The following MYOM3 variants were observed in gnomAD, a reference collection of about 807,000 sequenced individuals.
MYOM3 encodes myomesin-3.
MYOM3 carries 155 observed loss-of-function variants against 191.7 expected under a neutral mutation model. The ratio of observed to expected loss-of-function variants is 0.81; its 90% CI spans 0.71 to 0.92. MYOM3 has a LOEUF of 0.92. MYOM3 is among the 40% of genes least tolerant of loss of function. The pLI is 0.00. For synonymous variants in MYOM3, 757 were observed against 762.9 expected, an observed-to-expected ratio of 0.99 and a Z score of 0.13; for missense variants, 1,889 against 1,890.6, an observed-to-expected ratio of 1.00 and a Z score of 0.02.
In MYOM3 at chr1:24,106,069, C is replaced by T; in HGVS notation, c.411G>A (p.Glu137=). Residue 137 remains glutamate (E), a synonymous_variant, in exon 5 of 37, where the codon GAG becomes GAA. Transcript: ENST00000374434. ...TCAGCTCCTTGGCCTCCTGGACCTT[C>T]TCCTCTGTCTGGAGGCGGGAAGAGG... ...DWKTLRRRTE[E]KVQEAKELRE... The T allele has an allele frequency of 1.2e-6, 2 of 1,611,222 alleles. No homozygotes were observed. Among genetic ancestry groups the T allele is most frequent in the Middle Eastern group, 1.7e-4 (1 of 6,048 alleles).
chr1:24,107,865 C>A, intron 3 of MYOM3, 128 bp downstream of exon 3: 1 of 782,524 alleles, frequency 1.3e-6, no homozygotes, highest in East Asian at 2.6e-5. Flanking sequence ...CTGTCTAGAC[C>A]CTTATTCTAG....
chr1:24,074,118 C>T (rs764486054), intron 23 of MYOM3, 42 bp downstream of exon 23: 1 of 1,500,922 alleles, frequency 6.7e-7, no homozygotes, highest in Non-Finnish European at 9.2e-7. Context: ...GTTTGGGACT[C>T]TCTCTCTGGG....
In MYOM3 at chr1:24,071,108, C is replaced by T. The variant is rs545205735; in HGVS notation, c.3150+9G>A. On this transcript the variant is annotated intron_variant, in intron 25 of 36. Transcript: ENST00000374434. ...AGCCTCACTTCAGGGATTGTGAGCACCCAATTACCGGCGAGCTGAAGATCT... is the reference window on the plus strand; with the variant it reads ...AGCCTCACTTCAGGGATTGTGAGCATCCAATTACCGGCGAGCTGAAGATCT... The T allele has an allele frequency of 3.1e-6, 5 of 1,613,290 alleles. No homozygotes were observed. The highest frequency in any genetic ancestry group is 2.2e-5 in the South Asian group (2 of 90,978).
At chr1:24,072,190 G>T (rs1643540491) in intron 23 of MYOM3, among the ~76,000 whole-genome samples, 177 bp from the exon 24 acceptor site, 1 of 152,218 alleles carries the variant, frequency 6.6e-6, no homozygotes, top group African/African-American at 2.4e-5. Context: ...GTGAGCCTTT[G>T]CCCTGGGGCA....
At position 24,067,061 on chromosome 1, in the gene MYOM3, C is replaced by T; in HGVS notation, c.3383G>A (p.Trp1128Ter). The change falls in exon 28 of 37, where the codon TGG (tryptophan) becomes TAG (stop). Residue 1128 changes from tryptophan (W) to a stop codon, truncating the protein, a stop_gained. Coordinates refer to ENST00000374434, the MANE Select transcript of MYOM3 (RefSeq NM_152372.4). LOFTEE classifies it high-confidence loss of function. ...CACTTGGCAGTCCTCCGTGACCTTCCACTGCAACGGCCGCTCAAAATAGGG... is the reference window on the plus strand; with the variant it reads ...CACTTGGCAGTCCTCCGTGACCTTCTACTGCAACGGCCGCTCAAAATAGGG... ...QGPYFERPLQ[W>*]KVTEDCQVQL... 6.3e-7 allele frequency: 1 copy of T among 1,579,400 alleles called. No homozygotes were observed. Among genetic ancestry groups the T allele is most frequent in the Non-Finnish European group, 8.6e-7 (1 of 1,160,510 alleles).
intron 27 of MYOM3, 79 bp from the exon 28 acceptor site, chr1:24,067,167 G>A (rs1484408765): frequency 4.3e-6 from 6 of 1,395,470 alleles, no homozygotes; most frequent in Non-Finnish European, 5.0e-6. Context: ...GGCAGTGCTG[G>A]GGGGAGGGAC....
In MYOM3 at chr1:24,093,043, C is replaced by T; in HGVS notation, c.994G>A (p.Val332Met). 2 of 1,613,332 alleles carry T rather than the reference C, an allele frequency of 1.2e-6. No homozygotes were observed. The highest frequency in any genetic ancestry group is 1.3e-5 in the African/African-American group (1 of 75,052). ...LYTDRQASLK[V>M]SCTYKEDEGL... The stretch of plus-strand genomic sequence containing the variant: ...TCGTCCTCCTTGTAGGTGCAGGACA[C>T]CTTCAGGGATGCCTGGCGGTCTGTG... The change falls in exon 10 of 37, where the codon GTG (valine) becomes ATG (methionine). Residue 332 changes from valine (V) to methionine (M), a missense_variant. Coordinates refer to ENST00000374434, the MANE Select transcript of MYOM3 (RefSeq NM_152372.4).
chr1:24,089,398 G>T, intron 14 of MYOM3, 140 bp downstream of exon 14: 1 of 1,159,008 alleles, frequency 8.6e-7, no homozygotes, highest in Non-Finnish European at 1.2e-6. Flanking sequence ...CCTTGCCTCT[G>T]TGTAGGGCCA....
chr1:24,105,805 G>A (rs754101070), intron 5 of MYOM3, 115 bp downstream of exon 5: 31 of 1,104,634 alleles, frequency 2.8e-5, no homozygotes, highest in Middle Eastern at 6.1e-4. Context: ...TCGGTGGGTG[G>A]ACAGAGCTCA....
intron 21 of MYOM3, 33 bp from the exon 22 acceptor site, chr1:24,075,508 G>A (rs1471889830): frequency 6.5e-7 from 1 of 1,528,786 alleles, no homozygotes; most frequent in Non-Finnish European, 8.8e-7. Flanking sequence ...GGCAGCGGAT[G>A]TTTATGCATA....
At chr1:24,088,340 C>T (rs1170418048) in intron 14 of MYOM3, among the ~76,000 whole-genome samples, 1 of 152,180 alleles carries the variant, frequency 6.6e-6, no homozygotes. Flanking sequence ...CTACTGTGTG[C>T]CAGGCTCCAT....
At chr1:24,086,998 C>T (rs1643758382) in intron 14 of MYOM3, among the ~76,000 whole-genome samples, 171 bp from the exon 15 acceptor site, 2 of 152,172 alleles carry the variant, frequency 1.3e-5, no homozygotes, top group Non-Finnish European at 2.9e-5. Flanking sequence ...CACCTCTCCA[C>T]CCGGATTCCT....
intron 5 of MYOM3, 29 bp from the exon 6 acceptor site, chr1:24,099,804 C>T: frequency 6.4e-7 from 1 of 1,570,324 alleles, no homozygotes; most frequent in Non-Finnish European, 8.8e-7. Context: ...CTGTGGCAGG[C>T]AGGGTGGTTC....
chr1:24,080,131 G>A lies in MYOM3; in HGVS notation c.2471C>T (p.Pro824Leu), dbSNP rs970715016. 1.9e-6 allele frequency: 3 copies of A among 1,613,612 alleles called. No individual in the cohort carries two copies. The highest frequency in any genetic ancestry group is 3.3e-5 in the Admixed American group (2 of 59,994). ...AGGCCCAGCCCCCATATACAGTGGG[G>A]GTTCCCACTGCAGCACCAGGGATGT... is the stretch of plus-strand genomic sequence containing the variant. ...RATSLVLQWE[P>L]PLYMGAGPVT... The change falls in exon 20 of 37, where the codon CCC becomes CTC. Residue 824 changes from proline to leucine, a missense_variant. Physicochemically the swap from Pro to Leu is moderately conservative, Grantham distance 98. Transcript: ENST00000374434.
chr1:24,107,127 C>CA lies in MYOM3; in HGVS notation c.347dup (p.Gln117AlafsTer75). 6.2e-7 allele frequency: 1 copy of CA among 1,612,540 alleles called. No individual in the cohort carries two copies. Among genetic ancestry groups the CA allele is most frequent in the Non-Finnish European group, 8.5e-7 (1 of 1,179,452 alleles). ...TCTGGCGCAGCAGCCGGTGGGTCTG[C>CA]AGGAAGGCGATCTCAGTCCTCTCCC... On this transcript the variant is annotated frameshift_variant, in exon 4 of 37. Coordinates refer to ENST00000374434, the MANE Select transcript of MYOM3 (RefSeq NM_152372.4). LOFTEE classifies it high-confidence loss of function.
In MYOM3 at chr1:24,067,434, CCTTCCTTCCTTT is replaced by C. The variant is rs1375259182; in HGVS notation, c.3356-358_3356-347del. 2.2e-4 allele frequency among the ~76,000 whole-genome samples: 18 copies of C among 81,942 alleles called. 1 individual carries two copies. Among genetic ancestry groups the C allele is most frequent in the African/African-American group, 1.1e-4 (2 of 18,664 alleles). 53.8% of individuals were successfully genotyped at this position (81,942 alleles called of 152,430 possible). ...TCCTTCCTTCCTTCCTTCCTTCCTTCCTTCCTTCCTTTGTTTCCTTCCTTCTTTCTTTCTTTC... is the reference window on the plus strand; with the variant it reads ...TCCTTCCTTCCTTCCTTCCTTCCTTCGTTTCCTTCCTTCTTTCTTTCTTTC... On this transcript the variant is annotated intron_variant, in intron 27 of 36. Coordinates refer to ENST00000374434, the MANE Select transcript of MYOM3 (RefSeq NM_152372.4).
rs150638060 is a variant in MYOM3, at chr1:24,097,892, C to T, written c.745+31G>A. On this transcript the variant is annotated intron_variant, in intron 7 of 36. Coordinates refer to ENST00000374434, the MANE Select transcript of MYOM3 (RefSeq NM_152372.4). Reference sequence around the variant, plus strand: ...TGCCCAGCTTGGGTTTGCTGTGGCCCGGAGTGCCTGTTGGGGTTGGGAGGA... The same window carrying T: ...TGCCCAGCTTGGGTTTGCTGTGGCCTGGAGTGCCTGTTGGGGTTGGGAGGA... 5.0e-4 allele frequency: 735 copies of T among 1,462,268 alleles called. 2 individuals are homozygous for T. Among genetic ancestry groups the T allele is most frequent in the Admixed American group, 8.4e-4 (50 of 59,832 alleles). 90.6% of individuals were successfully genotyped at this position (1,462,268 alleles called of 1,614,324 possible).
intron 28 of MYOM3, chr1:24,066,746 A>G (rs1447243546): frequency 2.7e-5 from 13 of 473,424 alleles, no homozygotes; most frequent in Non-Finnish European, 3.7e-5. Context: ...GTGGGCTCCT[A>G]GACCCCCTGA....
chr1:24,066,933 C>A, intron 28 of MYOM3, 88 bp downstream of exon 28: 1 of 1,224,028 alleles, frequency 8.2e-7, no homozygotes, highest in Non-Finnish European at 1.1e-6. Context: ...ATTTAGGGGG[C>A]CGGGTGGGCA....
Sources: gnomAD v4.1 joint callset for allele counts (sites outside exome capture counted in the v4.1 genomes callset) on GRCh38, gnomAD v4.1.1 for gene constraint, MANE v1.5 for transcripts, NCBI Gene and HGNC (gene_info 2026-07-23, HGNC 2026-07-21) for gene names.